Variants in THNSL1 observed in about 807,000 individuals in gnomAD.
The protein encoded by THNSL1 is threonine synthase like 1.
Under a neutral mutation model 50.4 loss-of-function variants are expected in THNSL1, and 48 were observed. That is an observed-to-expected ratio of 0.95 (90% CI 0.76 to 1.21). THNSL1 has a LOEUF of 1.21. THNSL1 is among the 50% of genes most tolerant of loss of function. The pLI, the probability that THNSL1 is intolerant of heterozygous loss-of-function variation, is 0.00. For missense variants in THNSL1, 896 were observed against 871.7 expected (o/e 1.03, Z -0.35); for synonymous variants, 309 against 306.1 (o/e 1.01, Z -0.10).
chr10:24,952,560 C>T, the THNSL1 span: 2,874 of 1,592,126 alleles, frequency 1.8e-3, 3 homozygotes, highest in Non-Finnish European at 2.2e-3. This position sits in a 1 kb window ranked among gnomAD's most constrained non-coding sequence, Gnocchi z 5.1. Flanking sequence ...GGCGCCTCCT[C>T]GCTGCTCCCG....
the THNSL1 span, among the ~76,000 whole-genome samples, chr10:24,978,199 A>T: frequency 1.3e-5 from 2 of 152,092 alleles, no homozygotes; most frequent in Non-Finnish European, 2.9e-5. Flanking sequence ...GTTCTTTTTC[A>T]TCAAGCACAT....
chr10:24,980,759 C>A, the THNSL1 span, among the ~76,000 whole-genome samples: 6 of 152,152 alleles, frequency 3.9e-5, no homozygotes, highest in South Asian at 1.2e-3. Context: ...CTCTGTCACC[C>A]AGGCTGGAGT....
the THNSL1 span, among the ~76,000 whole-genome samples, chr10:24,955,659 A>G: frequency 6.6e-6 from 1 of 152,182 alleles, no homozygotes; most frequent in Non-Finnish European, 1.5e-5. Flanking sequence ...TTTAAGGTTG[A>G]TGGGGCTAGG....
At chr10:24,956,817 A>G in the THNSL1 span, among the ~76,000 whole-genome samples, 2 of 152,166 alleles carry the variant, frequency 1.3e-5, no homozygotes, top group African/African-American at 4.8e-5. Context: ...GCACTGTAGG[A>G]GGTGAGTGTC....
the THNSL1 span, among the ~76,000 whole-genome samples, chr10:24,965,162 T>C: frequency 2.0e-5 from 3 of 152,118 alleles, no homozygotes; most frequent in Non-Finnish European, 4.4e-5. Flanking sequence ...CCCTGAAATC[T>C]ACCATGTCCT....
the THNSL1 span, among the ~76,000 whole-genome samples, chr10:24,968,953 G>A: frequency 6.6e-6 from 1 of 152,180 alleles, no homozygotes; most frequent in Non-Finnish European, 1.5e-5. Context: ...GAGTCCACTG[G>A]TGTGACCTCT....
chr10:24,971,140 C>A, the THNSL1 span, among the ~76,000 whole-genome samples: 2 of 151,940 alleles, frequency 1.3e-5, no homozygotes, highest in East Asian at 1.9e-4. Flanking sequence ...TGCTTTGTCA[C>A]CAAGGCTAAA....
chr10:25,014,020 C>T (rs1850509780), upstream of THNSL1, among the ~76,000 whole-genome samples: 1 of 152,044 alleles, frequency 6.6e-6, no homozygotes, highest in African/African-American at 2.4e-5. Flanking sequence ...TCATGAGTAA[C>T]TCAAATTTTG....
the THNSL1 span, among the ~76,000 whole-genome samples, chr10:24,953,012 C>T: frequency 1.3e-5 from 2 of 152,082 alleles, no homozygotes; most frequent in African/African-American, 2.4e-5. Flanking sequence ...CCGTCCCAGC[C>T]CTCGGGCTAA....
chr10:25,015,803 T>A, upstream of THNSL1: 1 of 1,472,234 alleles, frequency 6.8e-7, no homozygotes. Context: ...TATGCTTAAT[T>A]AATACTGAGT....
chr10:25,019,252 CTGCT>C (rs368042747), intron 1 of THNSL1, among the ~76,000 whole-genome samples: 1 of 152,182 alleles, frequency 6.6e-6, no homozygotes, highest in Admixed American at 6.5e-5. Context: ...GGCAGGAAGA[CTGCT>C]TGAGCCCAGG....
At chr10:25,001,921 A>T in the THNSL1 span, among the ~76,000 whole-genome samples, 41 of 152,266 alleles carry the variant, frequency 2.7e-4, 1 homozygote, top group South Asian at 8.5e-3. Context: ...TTTTGATTGG[A>T]TGCCAAACAT....
the THNSL1 span, among the ~76,000 whole-genome samples, chr10:24,968,301 G>A: frequency 1.2e-3 from 179 of 152,188 alleles, 3 homozygotes; most frequent in East Asian, 0.027. Flanking sequence ...CAAGGAAGAC[G>A]AAGCGTAAGC....
chr10:24,977,272 C>T, the THNSL1 span, among the ~76,000 whole-genome samples: 4 of 152,166 alleles, frequency 2.6e-5, no homozygotes, highest in East Asian at 7.7e-4. Flanking sequence ...ACTATGGATA[C>T]TTATATGAAT....
At chr10:25,021,365 TA>T (rs1403674463) in intron 1 of THNSL1, among the ~76,000 whole-genome samples, 2 of 152,200 alleles carry the variant, frequency 1.3e-5, no homozygotes, top group African/African-American at 4.8e-5. Flanking sequence ...TAATATAGCC[TA>T]AAAAACAACT....
At chr10:24,982,788 CAATG>C in the THNSL1 span, 1 of 152,152 alleles carries the variant, frequency 6.6e-6, no homozygotes, top group African/African-American at 2.4e-5. Context: ...AGAAAGGCAA[CAATG>C]TTCATCTAGG....
the THNSL1 span, among the ~76,000 whole-genome samples, chr10:24,967,397 A>T: frequency 6.6e-6 from 1 of 152,228 alleles, no homozygotes; most frequent in African/African-American, 2.4e-5. Context: ...TTTGGCTCTT[A>T]CAACTGAGAA....
At chr10:24,991,584 G>C in the THNSL1 span, among the ~76,000 whole-genome samples, 1 of 152,170 alleles carries the variant, frequency 6.6e-6, no homozygotes, top group South Asian at 2.1e-4. Context: ...GGCCGGGGTG[G>C]TGGGAGGAGA....
chr10:24,998,358 CCTCTCTCTCT>C, the THNSL1 span, among the ~76,000 whole-genome samples: 2 of 117,306 alleles, frequency 1.7e-5, no homozygotes, highest in Non-Finnish European at 3.4e-5. Context: ...TTCCTTCCTT[CCTCTCTCTCT>C]CTCTCTCTCT....
Sources: allele counts gnomAD v4.1 joint callset (sites outside exome capture counted in the v4.1 genomes callset), GRCh38; gene constraint gnomAD v4.1.1; non-coding constraint Gnocchi (gnomAD v3.1); transcripts MANE v1.5; gene names NCBI Gene and HGNC (gene_info 2026-07-23, HGNC 2026-07-21).